SF3A1: variants seen among roughly 807,000 people sequenced by gnomAD.
SF3A1 encodes the protein splicing factor 3a subunit 1.
SF3A1 carries 13 observed loss-of-function variants against 89.9 expected under a neutral mutation model. The ratio of observed to expected loss-of-function variants is 0.14; its 90% CI spans 0.09 to 0.23. The LOEUF is 0.23. SF3A1 is among the 10% of genes least tolerant of loss of function. The pLI is 1.00. For missense variants in SF3A1, 604 were observed against 1,022.1 expected, an observed-to-expected ratio of 0.59 and a Z score of 5.58; for synonymous variants, 405 against 374.4, an observed-to-expected ratio of 1.08 and a Z score of -0.94.
Position 30,345,071 on chromosome 22 carries a change from A to G in SF3A1, c.513T>C (p.Ala171=). 1 of 1,614,236 alleles carries G rather than the reference A, an allele frequency of 6.2e-7. No individual in the cohort carries two copies. The highest frequency in any genetic ancestry group is 8.5e-7 in the Non-Finnish European group (1 of 1,180,048). Residue 171 remains alanine, a synonymous_variant, in exon 4 of 16, where the codon GCT becomes GCC. Coordinates refer to ENST00000215793, the MANE Select transcript of SF3A1 (RefSeq NM_005877.6). ...AFDLDVVKLT[A]QFVARNGRQF... ...GGCGCCCATTCCTGGCCACAAACTG[A>G]GCCGTCAGCTTCACCACATCCAAGT...
chr22:30,341,588 C>T, intron 7 of SF3A1, 104 bp downstream of exon 7: 1 of 656,154 alleles, frequency 1.5e-6, no homozygotes, highest in East Asian at 3.0e-5. Context: ...CCCACGCCTC[C>T]TTTCAAGGCT....
At chr22:30,336,745 T>C (rs922470472) in intron 13 of SF3A1, among the ~76,000 whole-genome samples, 1 of 152,206 alleles carries the variant, frequency 6.6e-6, no homozygotes, top group African/African-American at 2.4e-5. Context: ...CCCGTGCTGC[T>C]GGGTCTCCCT....
At chr22:30,349,668 T>C (rs1342205724) in intron 2 of SF3A1, among the ~76,000 whole-genome samples, 34 of 92,184 alleles carry the variant, frequency 3.7e-4, no homozygotes, top group Non-Finnish European at 4.0e-4. Context: ...TTTTCTTTCT[T>C]TTTTTTTTTT....
At position 30,332,284 on chromosome 22, in the gene SF3A1, C is replaced by T. The variant is rs556297986; in HGVS notation, c.*2310G>A. 2.0e-5 allele frequency: 3 copies of T among 152,318 alleles called. No homozygotes were observed. The highest frequency in any genetic ancestry group is 7.2e-5 in the African/African-American group (3 of 41,578). The allele number at this position is 152,318 out of a possible 1,614,324, so 9.4% of individuals were successfully genotyped here. A position where few individuals can be genotyped will look rare whatever the true frequency, so the allele number is the denominator to read the frequency against. On this transcript the variant is annotated 3_prime_UTR_variant, in exon 16 of 16. Coordinates refer to ENST00000215793, the MANE Select transcript of SF3A1 (RefSeq NM_005877.6). Reference sequence around the variant, plus strand: ...ACAAGTACTTAAGTAGTGGGTAGAACTGAAAGTGAAATTCCTTAATGTCTA... The same window carrying T: ...ACAAGTACTTAAGTAGTGGGTAGAATTGAAAGTGAAATTCCTTAATGTCTA...
At chr22:30,341,131 A>C (rs1300796919) in intron 7 of SF3A1, among the ~76,000 whole-genome samples, 1 of 152,124 alleles carries the variant, frequency 6.6e-6, no homozygotes, top group African/African-American at 2.4e-5. Flanking sequence ...GGGGGCGGCG[A>C]GTCGCCAATC....
At position 30,345,023 on chromosome 22, in the gene SF3A1, C is replaced by T. The variant is rs1178182078; in HGVS notation, c.561G>A (p.Gln187=). Residue 187 remains glutamine (Q), a synonymous_variant, in exon 4 of 16, where the codon CAG becomes CAA. Transcript: ENST00000215793. The part of the protein sequence containing the change: ...NGRQFLTQLM[Q]KEQRNYQFDF... ...CAAACTGGTAGTTGCGCTGCTCTTT[C>T]TGCATCAGCTGGGTCAGAAACTGGC... is the stretch of plus-strand genomic sequence containing the variant. 1 of 1,614,244 alleles carries T rather than the reference C, an allele frequency of 6.2e-7. No homozygotes were observed. Among genetic ancestry groups the T allele is most frequent in the Admixed American group, 1.7e-5 (1 of 60,034 alleles).
intron 9 of SF3A1, among the ~76,000 whole-genome samples, chr22:30,339,749 C>T (rs895959760): frequency 1.3e-5 from 2 of 152,110 alleles, no homozygotes; most frequent in African/African-American, 2.4e-5. Context: ...AGTGAAACTC[C>T]GTCATTCATA....
In SF3A1 at chr22:30,345,013, G is replaced by A; in HGVS notation, c.571C>T (p.Arg191Cys). ...FLTQLMQKEQRNYQFDFLRPQ... is the reference protein window; with the variant it reads ...FLTQLMQKEQCNYQFDFLRPQ... ...CGGAGAAAGTCAAACTGGTAGTTGC[G>A]CTGCTCTTTCTGCATCAGCTGGGTC... The change falls in exon 4 of 16, where the codon CGC becomes TGC. Residue 191 changes from arginine (R) to cysteine (C), a missense_variant. Arg to Cys is a radical substitution (Grantham distance 180, BLOSUM62 -3). Transcript: ENST00000215793. 1.2e-6 allele frequency: 2 copies of A among 1,614,214 alleles called. No homozygotes were observed. The highest frequency in any genetic ancestry group is 1.1e-5 in the South Asian group (1 of 91,086).
intron 11 of SF3A1, among the ~76,000 whole-genome samples, chr22:30,338,242 G>A (rs948613308): frequency 6.6e-5 from 10 of 152,026 alleles, no homozygotes; most frequent in Admixed American, 1.3e-4. Context: ...GCAGATCACC[G>A]GAGGTCGGGA....
intron 4 of SF3A1, 75 bp downstream of exon 4, chr22:30,344,858 T>G: frequency 6.5e-7 from 1 of 1,533,640 alleles, no homozygotes; most frequent in Non-Finnish European, 8.9e-7. Context: ...AGACAGTGAG[T>G]GGACACAGTG....
intron 13 of SF3A1, among the ~76,000 whole-genome samples, chr22:30,336,541 G>C (rs374284433): frequency 6.6e-6 from 1 of 152,124 alleles, no homozygotes; most frequent in African/African-American, 2.4e-5. Flanking sequence ...CCTTACTGCA[G>C]CCTGACAGCT....
chr22:30,340,088 C>T, intron 9 of SF3A1, 108 bp downstream of exon 9: 1 of 980,852 alleles, frequency 1.0e-6, no homozygotes, highest in Non-Finnish European at 1.4e-6. Flanking sequence ...GAGTGCAACT[C>T]TCCTCAAAAG....
chr22:30,336,877 G>T, intron 13 of SF3A1, 149 bp downstream of exon 13: 1 of 792,586 alleles, frequency 1.3e-6, no homozygotes, highest in Non-Finnish European at 2.1e-6. Context: ...TTCACTGTGT[G>T]CTCAGAAGCC....
At position 30,356,866 on chromosome 22, in the gene SF3A1, C is replaced by G; in HGVS notation, c.-74G>C. The G allele has an allele frequency of 4.1e-6, 5 of 1,213,822 alleles. No individual in the cohort carries two copies. Among genetic ancestry groups the G allele is most frequent in the Non-Finnish European group, 5.2e-6 (5 of 954,712 alleles). 75.2% of individuals were successfully genotyped at this position (1,213,822 alleles called of 1,614,324 possible). A position where few individuals can be genotyped will look rare whatever the true frequency, so the allele number is the denominator to read the frequency against. ...GCCGCCTCAAGACAGCCTCCCCGCT[C>G]GGTCAGTACGACGAGCTCGCAAGAT... is the stretch of plus-strand genomic sequence containing the variant. On this transcript the variant is annotated 5_prime_UTR_variant, in exon 1 of 16. Transcript: ENST00000215793.
chr22:30,352,767 C>T, intron 2 of SF3A1, 184 bp downstream of exon 2: 1 of 545,664 alleles, frequency 1.8e-6, no homozygotes, highest in Non-Finnish European at 3.2e-6. Flanking sequence ...CTCACTTTGG[C>T]CACTGCTATG....
intron 12 of SF3A1, among the ~76,000 whole-genome samples, 170 bp from the exon 13 acceptor site, chr22:30,337,350 G>A (rs1931101370): frequency 6.6e-6 from 1 of 152,212 alleles, no homozygotes; most frequent in African/African-American, 2.4e-5. Context: ...GGGGACCTGG[G>A]AGGCTGCCCA....
chr22:30,341,664 C>A (rs1931260090), intron 7 of SF3A1, 28 bp downstream of exon 7: 3 of 1,597,450 alleles, frequency 1.9e-6, no homozygotes, highest in South Asian at 2.2e-5. Flanking sequence ...GGGAAAAGGT[C>A]ATCCTGCAGG....
rs925546970 is a variant in SF3A1 at position 30,356,721 on chromosome 22, G to A, written c.63+9C>T. Reference sequence around the variant, plus strand: ...TCCGGCTGCAGGCTGAGGGGCGGGGGAGAGGTACCTGTTTGGGCTCCGTGG... The same window carrying A: ...TCCGGCTGCAGGCTGAGGGGCGGGGAAGAGGTACCTGTTTGGGCTCCGTGG... On this transcript the variant is annotated intron_variant, in intron 1 of 15. Transcript: ENST00000215793. The A allele has an allele frequency of 2.0e-6, 3 of 1,489,996 alleles. No individual in the cohort carries two copies. The highest frequency in any genetic ancestry group is 1.4e-5 in the African/African-American group (1 of 69,340). 92.3% of individuals were successfully genotyped at this position (1,489,996 alleles called of 1,614,324 possible). A position where few individuals can be genotyped will look rare whatever the true frequency, so the allele number is the denominator to read the frequency against.
chr22:30,345,069 T>A lies in SF3A1; in HGVS notation c.515A>T (p.Gln172Leu). The A allele has an allele frequency of 1.2e-6, 2 of 1,614,226 alleles. No homozygotes were observed. The highest frequency in any genetic ancestry group is 1.7e-6 in the Non-Finnish European group (2 of 1,180,040). Residue 172 changes from glutamine to leucine, a missense_variant, in exon 4 of 16, where the codon CAG becomes CTG. By Grantham distance (113) the Gln-to-Leu change is moderately radical (BLOSUM62 -2). Transcript: ENST00000215793. ...FDLDVVKLTA[Q>L]FVARNGRQFL... ...CTGGCGCCCATTCCTGGCCACAAAC[T>A]GAGCCGTCAGCTTCACCACATCCAA...
Sources: gnomAD v4.1 joint callset for allele counts (sites outside exome capture counted in the v4.1 genomes callset) on GRCh38, gnomAD v4.1.1 for gene constraint, MANE v1.5 for transcripts, NCBI Gene and HGNC (gene_info 2026-07-23, HGNC 2026-07-21) for gene names.